Variants in PRKN observed in about 807,000 individuals in gnomAD.
The protein encoded by PRKN is parkin RBR E3 ubiquitin protein ligase, also known as E3 ubiquitin-protein ligase parkin.
In PRKN, 56 loss-of-function variants were observed where a neutral mutation model predicts 59.5. That is an observed-to-expected ratio of 0.94 (90% CI 0.76 to 1.18). The LOEUF is 1.18. PRKN is among the 50% of genes most tolerant of loss of function. PRKN has a pLI of 0.00. For synonymous variants in PRKN, 250 were observed against 222.1 expected (o/e 1.13, Z -1.12); for missense variants, 657 against 596.4 (o/e 1.10, Z -1.06).
At chr6:162,248,601 T>C (rs920313807) in intron 3 of PRKN, among the ~76,000 whole-genome samples, 4 of 152,106 alleles carry the variant, frequency 2.6e-5, no homozygotes, top group African/African-American at 9.7e-5. Flanking sequence ...AGAGCTGACA[T>C]CAGCTCAACA....
chr6:162,591,976 TTCAAAAC>T (rs1781328704), intron 1 of PRKN, among the ~76,000 whole-genome samples: 1 of 152,114 alleles, frequency 6.6e-6, no homozygotes, highest in Non-Finnish European at 1.5e-5. Flanking sequence ...ACAAAGAGTC[TTCAAAAC>T]CAGAACCTCA....
chr6:162,479,964 C>G (rs1457407476), intron 1 of PRKN, among the ~76,000 whole-genome samples: 1 of 151,742 alleles, frequency 6.6e-6, no homozygotes, highest in Non-Finnish European at 1.5e-5. Flanking sequence ...ACTTGGGAGG[C>G]TGAGGCAGGA....
At chr6:162,586,175 A>G (rs1292450472) in intron 1 of PRKN, among the ~76,000 whole-genome samples, 1 of 152,102 alleles carries the variant, frequency 6.6e-6, no homozygotes, top group African/African-American at 2.4e-5. Context: ...TAATAAGGGG[A>G]AAGTTGTATA....
intron 9 of PRKN, among the ~76,000 whole-genome samples, chr6:161,506,369 T>C (rs1778170146): frequency 6.6e-6 from 1 of 152,268 alleles, no homozygotes; most frequent in South Asian, 2.1e-4. Context: ...TTTTTGTACA[T>C]TGATTTTGTA....
At chr6:162,357,813 G>A (rs1784939771) in intron 2 of PRKN, among the ~76,000 whole-genome samples, 1 of 152,116 alleles carries the variant, frequency 6.6e-6, no homozygotes, top group Non-Finnish European at 1.5e-5. Flanking sequence ...GTCTGTAAAG[G>A]CTATATACTT....
chr6:162,654,696 A>C lies in PRKN; in HGVS notation c.7+72966T>G, dbSNP rs183718794. Among the ~76,000 whole-genome samples the C allele has an allele frequency of 1.2e-3, 177 of 152,230 alleles. 1 individual carries two copies. Among genetic ancestry groups the C allele is most frequent in the African/African-American group, 4.1e-3 (170 of 41,532 alleles). On this transcript the variant is annotated intron_variant, in intron 1 of 11. Transcript: ENST00000366898. ...TGCTGCCAGTGGAGACATACCTGAGACTGGGTAATTTATTAATGAAAGATG... is the reference window on the plus strand; with the variant it reads ...TGCTGCCAGTGGAGACATACCTGAGCCTGGGTAATTTATTAATGAAAGATG...
At chr6:161,952,020 C>T (rs944341770) in intron 6 of PRKN, among the ~76,000 whole-genome samples, 1 of 151,684 alleles carries the variant, frequency 6.6e-6, no homozygotes, top group Non-Finnish European at 1.5e-5. Context: ...TTTTAAAAAA[C>T]ATTAAAACAA....
In PRKN at chr6:162,376,572, T is replaced by C. The variant is rs183238017; in HGVS notation, c.171+66738A>G. ...GAGAGGCAGCCTACAAATGAATACC[T>C]GGGGCCAGGGGCCTCCAGAGAGGGG... On this transcript the variant is annotated intron_variant, in intron 2 of 11. Coordinates refer to ENST00000366898, the MANE Select transcript of PRKN (RefSeq NM_004562.3). Among the ~76,000 whole-genome samples, 404 of 151,414 alleles carry C rather than the reference T, an allele frequency of 2.7e-3. 1 individual carries two copies. The highest frequency in any genetic ancestry group is 8.8e-3 in the African/African-American group (362 of 41,224).
chr6:161,588,255 A>G lies in PRKN; in HGVS notation c.872-18839T>C, dbSNP rs1387356865. Reference sequence around the variant, plus strand: ...AAAAATCAGCCAGGCGTGGTGGCTCATGCCTATAATCCCAGCTACCTGGGA... The same window carrying G: ...AAAAATCAGCCAGGCGTGGTGGCTCGTGCCTATAATCCCAGCTACCTGGGA... On this transcript the variant is annotated intron_variant, in intron 7 of 11. Coordinates refer to ENST00000366898, the MANE Select transcript of PRKN (RefSeq NM_004562.3). This position sits in a 1 kb window ranked among gnomAD's most constrained non-coding sequence, Gnocchi z 5.0. Among the ~76,000 whole-genome samples the G allele has an allele frequency of 6.6e-6, 1 of 152,084 alleles. No individual in the cohort carries two copies. Among genetic ancestry groups the G allele is most frequent in the African/African-American group, 2.4e-5 (1 of 41,428 alleles).
chr6:162,010,762 AAT>A (rs1189488137), intron 5 of PRKN, among the ~76,000 whole-genome samples: 2 of 3,860 alleles, frequency 5.2e-4, no homozygotes, highest in East Asian at 0.042. Flanking sequence ...TACAATATAT[AAT>A]ATATTATATA....
chr6:162,069,687 T>G (rs111694116), intron 4 of PRKN, among the ~76,000 whole-genome samples: 8,256 of 152,256 alleles, frequency 0.054, 281 homozygotes, highest in Middle Eastern at 0.1. Context: ...CAGAAGTTAA[T>G]TCTGCAGAAA....
At chr6:161,950,513 C>A (rs1008308241) in intron 6 of PRKN, among the ~76,000 whole-genome samples, 3 of 152,200 alleles carry the variant, frequency 2.0e-5, no homozygotes. Context: ...CCACTGCACT[C>A]CAGCCTGGGC....
At chr6:162,626,586 G>C (rs1382517544) in intron 1 of PRKN, among the ~76,000 whole-genome samples, 2 of 152,108 alleles carry the variant, frequency 1.3e-5, no homozygotes, top group Non-Finnish European at 2.9e-5. Context: ...AAGCCGCGGA[G>C]GGTGGATCAC....
chr6:162,341,708 G>A (rs1045296368), intron 2 of PRKN, among the ~76,000 whole-genome samples: 2 of 152,012 alleles, frequency 1.3e-5, no homozygotes, highest in Non-Finnish European at 2.9e-5. Flanking sequence ...GTTGAAAAAT[G>A]AGAACACATG....
rs9458266 is a variant in PRKN at position 161,457,127 on chromosome 6, T to A, written c.1084-70250A>T. ...CTCTCTTCCAGACCGCTTGGTTCTT[T>A]GGAGTCCAGGAGTTCTCCACTCGGT... is the stretch of plus-strand genomic sequence containing the variant. On this transcript the variant is annotated intron_variant, in intron 9 of 11. Coordinates refer to ENST00000366898, the MANE Select transcript of PRKN (RefSeq NM_004562.3). The surrounding 1 kb of genome is among the most constrained non-coding windows in gnomAD (Gnocchi z 5.0). Among the ~76,000 whole-genome samples, 26,317 of 152,250 alleles carry A rather than the reference T, an allele frequency of 0.17. 3,397 individuals carry two copies. Among genetic ancestry groups the A allele is most frequent in the African/African-American group, 0.36 (14,910 of 41,524 alleles).
intron 6 of PRKN, among the ~76,000 whole-genome samples, chr6:161,815,038 T>A (rs1583199425): frequency 1.3e-5 from 2 of 152,170 alleles, no homozygotes; most frequent in East Asian, 3.9e-4. Flanking sequence ...TGAGAAAAAC[T>A]CTCTCTAGGT....
At position 161,767,325 on chromosome 6, in the gene PRKN, A is replaced by G. The variant is rs368995070; in HGVS notation, c.871+18447T>C. Among the ~76,000 whole-genome samples, 196 of 152,300 alleles carry G rather than the reference A, an allele frequency of 1.3e-3. 3 individuals are homozygous for G. The Middle Eastern group carries it at 0.037, about 29-fold the overall frequency. On this transcript the variant is annotated intron_variant, in intron 7 of 11. Transcript: ENST00000366898. ...TCAGGAGATCGAGACCATCCTGGCT[A>G]ACACGGTGAAACGCCATCTCTACTA...
intron 4 of PRKN, among the ~76,000 whole-genome samples, chr6:162,054,662 T>C (rs1242158613): frequency 6.6e-6 from 1 of 152,142 alleles, no homozygotes; most frequent in African/African-American, 2.4e-5. Flanking sequence ...TCCCAGCACC[T>C]AGAGGAGGGC....
chr6:161,743,217 T>C (rs1394256529), intron 7 of PRKN, among the ~76,000 whole-genome samples: 1 of 112,934 alleles, frequency 8.9e-6, no homozygotes, highest in Non-Finnish European at 1.9e-5. Flanking sequence ...TTCTACCTTT[T>C]TTTTTTTTTT....
Sources: gnomAD v4.1 joint callset for allele counts (sites outside exome capture counted in the v4.1 genomes callset) on GRCh38, gnomAD v4.1.1 for gene constraint, Gnocchi (gnomAD v3.1) non-coding constraint, MANE v1.5 for transcripts, NCBI Gene and HGNC (gene_info 2026-07-23, HGNC 2026-07-21) for gene names.